CHL1: variants seen among roughly 807,000 people sequenced by gnomAD.
The protein encoded by CHL1 is cell adhesion molecule L1 like, also known as neural cell adhesion molecule L1-like protein.
CHL1 carries 96 observed loss-of-function variants against 141.9 expected under a neutral mutation model. The observed-to-expected ratio is 0.68, with a 90% CI of 0.57 to 0.80. CHL1 has a LOEUF of 0.80. CHL1 is among the 30% of genes least tolerant of loss of function. The probability of loss-of-function intolerance (pLI) is 0.00; values close to 1 mark genes in which losing one functional copy is unlikely to be tolerated. For synonymous variants in CHL1, 613 were observed against 502.2 expected (o/e 1.22, Z -2.95); for missense variants, 1,820 against 1,457.2 (o/e 1.25, Z -4.05).
At chr3:347,437 T>A (rs565168685) in intron 9 of CHL1, among the ~76,000 whole-genome samples, 394 of 152,250 alleles carry the variant, frequency 2.6e-3, no homozygotes, top group African/African-American at 8.9e-3. Flanking sequence ...GAGCTGAAAA[T>A]TTTTGCCATG....
chr3:325,992 A>C lies in CHL1; in HGVS notation c.125A>C (p.Lys42Thr). Reference protein sequence around the residue: ...QQVPTIIKQSKVQVAFPFDEY... With the variant: ...QQVPTIIKQSTVQVAFPFDEY... ...GTTCCAACAATCATAAAACAGTCAA[A>C]AGTCCAAGTTGCCTTTCCCTTCGAT... The change falls in exon 4 of 28, where the codon AAA becomes ACA. Residue 42 changes from lysine (K) to threonine (T), a missense_variant. Transcript: ENST00000256509. The C allele has an allele frequency of 6.2e-7, 1 of 1,611,752 alleles. No homozygotes were observed. The highest frequency in any genetic ancestry group is 8.5e-7 in the Non-Finnish European group (1 of 1,178,602).
rs1018176407 is a variant in CHL1 at position 394,957 on chromosome 3, C to T, written c.3094+85C>T. ...AACAGCTGCACTGAAAGGAAAGCAC[C>T]GTGCCAGTCATTGTAAATTAGAAAT... On this transcript the variant is annotated intron_variant, in intron 24 of 27. Transcript: ENST00000256509. The T allele has an allele frequency of 7.2e-5, 80 of 1,110,148 alleles. 1 individual carries two copies. The highest frequency in any genetic ancestry group is 4.9e-4 in the South Asian group (27 of 54,604). The allele number at this position is 1,110,148 out of a possible 1,614,324, so 68.8% of individuals were successfully genotyped here.
intron 5 of CHL1, among the ~76,000 whole-genome samples, chr3:336,547 G>T (rs1211465425): frequency 1.3e-5 from 2 of 152,120 alleles, no homozygotes; most frequent in Non-Finnish European, 2.9e-5. Context: ...TGTTTGAGGA[G>T]CCTAGAGAGA....
chr3:351,478 A>G (rs1451212030), intron 10 of CHL1, among the ~76,000 whole-genome samples: 3 of 152,202 alleles, frequency 2.0e-5, no homozygotes, highest in African/African-American at 7.2e-5. Context: ...GAGGTAATAA[A>G]TAAAAACTTT....
chr3:230,490 G>A (rs1004128617), intron 1 of CHL1, among the ~76,000 whole-genome samples: 4 of 151,602 alleles, frequency 2.6e-5, no homozygotes, highest in Non-Finnish European at 5.9e-5. Flanking sequence ...TCTACCTTCA[G>A]AAAGTATAAA....
At chr3:374,222 A>G (rs1401829917) in intron 15 of CHL1, among the ~76,000 whole-genome samples, 1 of 151,846 alleles carries the variant, frequency 6.6e-6, no homozygotes, top group Middle Eastern at 3.2e-3. Flanking sequence ...CCTCCTTCCG[A>G]TATATACAAA....
chr3:276,476 A>C (rs1289631519), intron 2 of CHL1, among the ~76,000 whole-genome samples: 5 of 152,190 alleles, frequency 3.3e-5, no homozygotes, highest in African/African-American at 1.2e-4. Context: ...ACTGCCTTTG[A>C]CCATGAGGTT....
chr3:217,914 G>A lies in CHL1; in HGVS notation c.-175+20851G>A, dbSNP rs191322338. ...GGAGAGGAGGACCAGTTGGTATTCCGCAAGGGAGATAAGAACAGCTTAGGC... is the reference window on the plus strand; with the variant it reads ...GGAGAGGAGGACCAGTTGGTATTCCACAAGGGAGATAAGAACAGCTTAGGC... On this transcript the variant is annotated intron_variant, in intron 1 of 27. Transcript: ENST00000256509. Among the ~76,000 whole-genome samples, 757 of 152,308 alleles carry A rather than the reference G, an allele frequency of 5.0e-3. 9 individuals are homozygous for A. Among genetic ancestry groups the A allele is most frequent in the Non-Finnish European group, 7.0e-3 (476 of 68,014 alleles).
chr3:357,179 C>T (rs1053086807), intron 11 of CHL1, among the ~76,000 whole-genome samples: 3 of 152,156 alleles, frequency 2.0e-5, no homozygotes, highest in Admixed American at 6.5e-5. Context: ...AATCCAAGCT[C>T]GGTGTTCTGT....
At chr3:398,768 A>G (rs1708881743) in intron 25 of CHL1, among the ~76,000 whole-genome samples, 1 of 152,158 alleles carries the variant, frequency 6.6e-6, no homozygotes, top group Non-Finnish European at 1.5e-5. Flanking sequence ...ATCTGCCTTC[A>G]TTATCCTTCT....
intron 2 of CHL1, among the ~76,000 whole-genome samples, chr3:287,829 G>C (rs1259088597): frequency 6.6e-6 from 1 of 151,750 alleles, no homozygotes; most frequent in Non-Finnish European, 1.5e-5. Context: ...GCAGTGGCAC[G>C]ATCTCAGTTC....
intron 15 of CHL1, among the ~76,000 whole-genome samples, chr3:371,780 A>C (rs999729377): frequency 1.3e-5 from 2 of 151,834 alleles, no homozygotes; most frequent in Middle Eastern, 3.2e-3. Flanking sequence ...TTTTTTCGGG[A>C]GATCTTGCAA....
intron 3 of CHL1, among the ~76,000 whole-genome samples, chr3:322,309 A>T (rs1700627306): frequency 6.6e-6 from 1 of 151,830 alleles, no homozygotes; most frequent in Non-Finnish European, 1.5e-5. Flanking sequence ...AAATTAAAAA[A>T]ATAGAATTAA....
At chr3:350,609 G>GA (rs5845965) in intron 10 of CHL1, among the ~76,000 whole-genome samples, 128,844 of 148,248 alleles carry the variant, frequency 0.87, 58,592 homozygotes, top group East Asian at 1. Context: ...TAAATTAATG[G>GA]AAAAAAAAAA....
intron 5 of CHL1, among the ~76,000 whole-genome samples, chr3:338,214 G>C (rs748046292): frequency 2.0e-5 from 3 of 152,210 alleles, no homozygotes; most frequent in Non-Finnish European, 2.9e-5. Context: ...TCAGGATCAA[G>C]TCCAGTCTTG....
At chr3:376,187 A>G (rs1706291486) in intron 15 of CHL1, among the ~76,000 whole-genome samples, 1 of 152,166 alleles carries the variant, frequency 6.6e-6, no homozygotes, top group Non-Finnish European at 1.5e-5. Context: ...TGAGGGAGGA[A>G]TAAGTGACTG....
intron 19 of CHL1, among the ~76,000 whole-genome samples, chr3:388,513 A>C (rs1213881652): frequency 4.0e-5 from 6 of 151,796 alleles, no homozygotes; most frequent in South Asian, 2.1e-4. Flanking sequence ...CACCACTGCA[A>C]TCCAGCCTGG....
intron 2 of CHL1, among the ~76,000 whole-genome samples, chr3:312,821 C>T (rs1362705551): frequency 6.6e-6 from 1 of 152,162 alleles, no homozygotes; most frequent in Non-Finnish European, 1.5e-5. Context: ...CGAGTTATAG[C>T]ACTGTCTCAG....
At chr3:301,204 C>A (rs1698698981) in intron 2 of CHL1, among the ~76,000 whole-genome samples, 1 of 152,126 alleles carries the variant, frequency 6.6e-6, no homozygotes, top group Non-Finnish European at 1.5e-5. Context: ...TAGGAGGGAG[C>A]TGAACCTCAT....
Sources: gnomAD v4.1 joint callset for allele counts (sites outside exome capture counted in the v4.1 genomes callset) on GRCh38, gnomAD v4.1.1 for gene constraint, MANE v1.5 for transcripts, NCBI Gene and HGNC (gene_info 2026-07-23, HGNC 2026-07-21) for gene names.